DNAJC24: variants seen among roughly 807,000 people sequenced by gnomAD.
The protein encoded by DNAJC24 is dnaJ homolog subfamily C member 24.
DNAJC24 carries 17 observed loss-of-function variants against 18.0 expected under a neutral mutation model. The ratio of observed to expected loss-of-function variants is 0.94; its 90% CI spans 0.65 to 1.42. The LOEUF (loss-of-function observed/expected upper bound fraction) is 1.42. Ranked by LOEUF, DNAJC24 falls within the 40% of genes most tolerant of loss-of-function variation. The probability of loss-of-function intolerance (pLI) is 0.00; values close to 1 mark genes in which losing one functional copy is unlikely to be tolerated. For missense variants in DNAJC24, 158 were observed against 175.6 expected (o/e 0.90, Z 0.57); for synonymous variants, 55 against 57.7 (o/e 0.95, Z 0.21).
intron 2 of DNAJC24, among the ~76,000 whole-genome samples, chr11:31,377,414 C>T (rs76131916): frequency 0.02 from 3,012 of 152,144 alleles, 86 homozygotes; most frequent in African/African-American, 0.068. Context: ...AAGACATTCA[C>T]ATACCATACA....
chr11:31,392,835 G>A (rs1218549075), intron 2 of DNAJC24, among the ~76,000 whole-genome samples: 2 of 150,276 alleles, frequency 1.3e-5, no homozygotes, highest in Non-Finnish European at 3.0e-5. Flanking sequence ...TCAGCCTCCC[G>A]ACGGGGTTTC....
chr11:31,402,280 A>G (rs1476366560), intron 2 of DNAJC24, among the ~76,000 whole-genome samples: 1 of 151,228 alleles, frequency 6.6e-6, no homozygotes, highest in African/African-American at 2.4e-5. Context: ...GCTATAAAAG[A>G]TTAAAAATGA....
intron 3 of DNAJC24, among the ~76,000 whole-genome samples, chr11:31,419,698 G>T (rs1747393357): frequency 1.3e-5 from 2 of 151,664 alleles, no homozygotes; most frequent in South Asian, 4.2e-4. Context: ...TTGGTTACTT[G>T]ACCCAATTGA....
At chr11:31,417,355 G>A (rs761577087) in intron 3 of DNAJC24, 8 of 151,856 alleles carry the variant, frequency 5.3e-5, no homozygotes, top group Non-Finnish European at 1.0e-4. Context: ...TTTGAATACC[G>A]TTATTAATTT....
chr11:31,386,053 G>A (rs1952427297), intron 2 of DNAJC24, among the ~76,000 whole-genome samples: 1 of 152,158 alleles, frequency 6.6e-6, no homozygotes, highest in Admixed American at 6.5e-5. Context: ...ATTTAGATCA[G>A]CCCTAGACAG....
chr11:31,389,462 G>A (rs960143319), intron 2 of DNAJC24, among the ~76,000 whole-genome samples: 1 of 152,134 alleles, frequency 6.6e-6, no homozygotes, highest in Non-Finnish European at 1.5e-5. Context: ...TATAACAATT[G>A]TAAATACATA....
At chr11:31,379,309 T>C (rs1237868327) in intron 2 of DNAJC24, among the ~76,000 whole-genome samples, 2 of 152,126 alleles carry the variant, frequency 1.3e-5, no homozygotes, top group East Asian at 1.9e-4. Flanking sequence ...GAACTGTGCA[T>C]GTGAGGGATG....
At chr11:31,402,012 T>G (rs542433102) in intron 2 of DNAJC24, among the ~76,000 whole-genome samples, 2 of 152,336 alleles carry the variant, frequency 1.3e-5, no homozygotes, top group South Asian at 4.2e-4. Context: ...CCTGTGTCAC[T>G]TCAAGGTCGG....
chr11:31,377,294 G>A (rs962218507), intron 2 of DNAJC24, among the ~76,000 whole-genome samples: 1 of 151,896 alleles, frequency 6.6e-6, no homozygotes, highest in Non-Finnish European at 1.5e-5. Flanking sequence ...TTCAGTTTTT[G>A]TAAATGTAAT....
At chr11:31,386,452 C>T (rs1591903164) in intron 2 of DNAJC24, among the ~76,000 whole-genome samples, 1 of 136,752 alleles carries the variant, frequency 7.3e-6, no homozygotes, top group Admixed American at 7.3e-5. Flanking sequence ...TGAGGCCCCC[C>T]ATTCTAGGCT....
At chr11:31,390,554 A>C (rs1952483918) in intron 2 of DNAJC24, among the ~76,000 whole-genome samples, 2 of 151,524 alleles carry the variant, frequency 1.3e-5, no homozygotes, top group Non-Finnish European at 2.9e-5. Context: ...AAAAATACAA[A>C]AATTAGCTGG....
chr11:31,422,001 A>G (rs967923515), intron 3 of DNAJC24: 1 of 439,616 alleles, frequency 2.3e-6, no homozygotes, highest in South Asian at 1.7e-5. Context: ...GAGTCCTGCC[A>G]GTGTTTTCTT....
intron 2 of DNAJC24, 24 bp from the exon 3 acceptor site, chr11:31,414,787 T>A: frequency 6.8e-6 from 11 of 1,609,898 alleles, no homozygotes; most frequent in Non-Finnish European, 9.3e-6. Context: ...ACTCACCCCC[T>A]GCACCCTTCT....
chr11:31,421,144 C>G (rs1952800046), intron 3 of DNAJC24, among the ~76,000 whole-genome samples: 1 of 152,120 alleles, frequency 6.6e-6, no homozygotes. Context: ...ATTTCTCAAT[C>G]TCTTATCAAG....
chr11:31,431,547 C>T lies in DNAJC24; in HGVS notation c.*1146C>T, dbSNP rs941679457. On this transcript the variant is annotated 3_prime_UTR_variant, in exon 5 of 5. Coordinates refer to ENST00000465995, the MANE Select transcript of DNAJC24 (RefSeq NM_181706.5). Reference sequence around the variant, plus strand: ...AATATTGGGGCCAGGCATGGTGGCTCACATCTGTAATCCCAGCACTTTGGG... The same window carrying T: ...AATATTGGGGCCAGGCATGGTGGCTTACATCTGTAATCCCAGCACTTTGGG... 2.0e-5 allele frequency: 3 copies of T among 151,028 alleles called. No homozygotes were observed. Among genetic ancestry groups the T allele is most frequent in the Non-Finnish European group, 3.0e-5 (2 of 67,770 alleles). The allele number at this position is 151,028 out of a possible 1,614,324, so 9.4% of individuals were successfully genotyped here.
At chr11:31,413,482 C>T (rs996080089) in intron 2 of DNAJC24, among the ~76,000 whole-genome samples, 2 of 151,952 alleles carry the variant, frequency 1.3e-5, no homozygotes, top group Admixed American at 6.6e-5. Context: ...AGGCGCCCAC[C>T]ACCACACCTG....
intron 2 of DNAJC24, among the ~76,000 whole-genome samples, chr11:31,382,733 A>G (rs1276396526): frequency 6.6e-6 from 1 of 152,162 alleles, no homozygotes; most frequent in Non-Finnish European, 1.5e-5. Flanking sequence ...CCACATGCCA[A>G]GCAGTTCTCC....
intron 3 of DNAJC24, chr11:31,416,325 G>A (rs937758277): frequency 7.2e-5 from 11 of 152,092 alleles, no homozygotes; most frequent in Non-Finnish European, 1.2e-4. Flanking sequence ...AAGTGGCTTC[G>A]TTTGATGATA....
chr11:31,399,924 T>C (rs1052487357), intron 2 of DNAJC24, among the ~76,000 whole-genome samples: 7 of 151,898 alleles, frequency 4.6e-5, no homozygotes, highest in African/African-American at 1.7e-4. Flanking sequence ...CCTCCACCTC[T>C]CAACAGGCCC....
Sources: gnomAD v4.1 joint callset for allele counts (sites outside exome capture counted in the v4.1 genomes callset) on GRCh38, gnomAD v4.1.1 for gene constraint, MANE v1.5 for transcripts, NCBI Gene and HGNC (gene_info 2026-07-23, HGNC 2026-07-21) for gene names.